HMGCLL1: variants seen among roughly 807,000 people sequenced by gnomAD.
The protein encoded by HMGCLL1 is 3-hydroxymethyl-3-methylglutaryl-CoA lyase, cytoplasmic.
A neutral mutation model predicts 39.1 loss-of-function variants in HMGCLL1; 36 were observed. The observed-to-expected ratio is 0.92, with a 90% CI of 0.71 to 1.22. The LOEUF is 1.22. HMGCLL1 is among the 50% of genes most tolerant of loss of function. The pLI, the probability that HMGCLL1 is intolerant of heterozygous loss-of-function variation, is 0.00. For synonymous variants in HMGCLL1, 149 were observed against 144.0 expected (o/e 1.03, Z -0.25); for missense variants, 451 against 416.5 (o/e 1.08, Z -0.72).
In HMGCLL1 at chr6:55,548,777, T is replaced by C. The variant is rs147828795; in HGVS notation, c.109-6637A>G. On this transcript the variant is annotated intron_variant, in intron 1 of 8. Transcript: ENST00000274901. ...ATTAAAATAGATAATAGTAAGTAGATTAGAGAATATTAAGTAATAGAGAAA... is the reference window on the plus strand; with the variant it reads ...ATTAAAATAGATAATAGTAAGTAGACTAGAGAATATTAAGTAATAGAGAAA... 5.9e-3 allele frequency among the ~76,000 whole-genome samples: 895 copies of C among 151,598 alleles called. 11 individuals are homozygous for C. The highest frequency in any genetic ancestry group is 0.02 in the African/African-American group (840 of 41,360).
At chr6:55,477,194 ATATT>A (rs1765364144) in intron 7 of HMGCLL1, among the ~76,000 whole-genome samples, 1 of 27,812 alleles carries the variant, frequency 3.6e-5, no homozygotes, top group East Asian at 2.0e-3. Context: ...TATATATTAT[ATATT>A]ATATAATATA....
At chr6:55,605,258 T>C in the HMGCLL1 span, among the ~76,000 whole-genome samples, 1 of 152,206 alleles carries the variant, frequency 6.6e-6, no homozygotes, top group Non-Finnish European at 1.5e-5. Flanking sequence ...CCAGAGGCTA[T>C]TGTTAGGCTT....
chr6:55,499,208 A>T, intron 6 of HMGCLL1, 28 bp downstream of exon 6: 2 of 1,579,918 alleles, frequency 1.3e-6, no homozygotes, highest in African/African-American at 2.7e-5. Context: ...TGTTACCATA[A>T]ACCAAAAAAG....
intron 7 of HMGCLL1, among the ~76,000 whole-genome samples, chr6:55,480,703 T>C (rs1765695080): frequency 6.6e-6 from 1 of 151,704 alleles, no homozygotes; most frequent in Non-Finnish European, 1.5e-5. Flanking sequence ...TGCAGCACTA[T>C]TCACAATAGC....
chr6:55,622,726 T>C, the HMGCLL1 span, among the ~76,000 whole-genome samples: 1 of 152,096 alleles, frequency 6.6e-6, no homozygotes, highest in African/African-American at 2.4e-5. Context: ...TTTTCTTTTT[T>C]TGTTTTGTTT....
In HMGCLL1 at chr6:55,480,923, T is replaced by C. The variant is rs989025315; in HGVS notation, c.795+14496A>G. Among the ~76,000 whole-genome samples the C allele has an allele frequency of 4.6e-5, 7 of 152,130 alleles. No individual in the cohort carries two copies. In the East Asian group the frequency reaches 1.4e-3, roughly 29 times the overall value. ...CTTAGTCTCACTTACTTGTGGGAGC[T>C]AAAAATTAAAACAATTGAGCTCATA... On this transcript the variant is annotated intron_variant, in intron 7 of 8. Coordinates refer to ENST00000274901, the MANE Select transcript of HMGCLL1 (RefSeq NM_001042406.2).
the HMGCLL1 span, among the ~76,000 whole-genome samples, chr6:55,662,752 G>A: frequency 2.6e-5 from 4 of 151,740 alleles, no homozygotes; most frequent in Admixed American, 6.6e-5. Context: ...GTTTCAGTAG[G>A]AAAGGTACCA....
chr6:55,541,834 A>C lies in HMGCLL1; in HGVS notation c.192T>G (p.Val64=). The C allele has an allele frequency of 1.3e-6, 2 of 1,507,820 alleles. No individual in the cohort carries two copies. The highest frequency in any genetic ancestry group is 1.8e-6 in the Non-Finnish European group (2 of 1,097,218). The allele number at this position is 1,507,820 out of a possible 1,614,324, so 93.4% of individuals were successfully genotyped here. The change falls in exon 3 of 9, where the codon GTT becomes GTG. Residue 64 remains valine (V), a splice_region_variant and synonymous_variant. Transcript: ENST00000274901. ...GPRDGLQNEK[V]IVPTDIKIEF... is the part of the protein sequence containing the mutation. ...CAATTTTTATATCTGTAGGAACTATAACCTATGAAAACAAAAAATATTTTA... is the reference window on the plus strand; with the variant it reads ...CAATTTTTATATCTGTAGGAACTATCACCTATGAAAACAAAAAATATTTTA...
chr6:55,598,093 G>C, the HMGCLL1 span, among the ~76,000 whole-genome samples: 3 of 151,996 alleles, frequency 2.0e-5, no homozygotes, highest in Non-Finnish European at 4.4e-5. Context: ...AGTCATATAA[G>C]GTCCTCATCA....
intron 1 of HMGCLL1, among the ~76,000 whole-genome samples, chr6:55,571,146 C>T (rs961257959): frequency 1.3e-5 from 2 of 152,164 alleles, no homozygotes; most frequent in African/African-American, 4.8e-5. Flanking sequence ...ATGTCAAATA[C>T]CTATCCTTTT....
At chr6:55,577,120 GC>G (rs755349816) in intron 1 of HMGCLL1, 5 of 1,611,986 alleles carry the variant, frequency 3.1e-6, no homozygotes, top group Non-Finnish European at 4.2e-6. Flanking sequence ...AGACTGAGAA[GC>G]CAGAGACATC....
At chr6:55,616,585 C>G in the HMGCLL1 span, among the ~76,000 whole-genome samples, 4 of 152,002 alleles carry the variant, frequency 2.6e-5, no homozygotes, top group Non-Finnish European at 5.9e-5. Flanking sequence ...ACTGATAAAC[C>G]AACTGACCAA....
intron 7 of HMGCLL1, among the ~76,000 whole-genome samples, chr6:55,463,020 T>A (rs1382055528): frequency 7.7e-6 from 1 of 130,150 alleles, no homozygotes; most frequent in African/African-American, 3.2e-5. Context: ...AATCTTTTCT[T>A]TTTTCTTTCT....
chr6:55,545,395 C>T (rs1406528780), intron 1 of HMGCLL1, among the ~76,000 whole-genome samples: 1 of 152,102 alleles, frequency 6.6e-6, no homozygotes, highest in Non-Finnish European at 1.5e-5. Flanking sequence ...ATGGCCATTT[C>T]AATCAAAGCA....
At chr6:55,547,297 A>T (rs1770033920) in intron 1 of HMGCLL1, among the ~76,000 whole-genome samples, 1 of 152,030 alleles carries the variant, frequency 6.6e-6, no homozygotes, top group South Asian at 2.1e-4. Flanking sequence ...TCTCTGAAAT[A>T]TTTAGAGTGT....
rs368287441 is a variant in HMGCLL1 at position 55,511,249 on chromosome 6, G to A, written c.542+2799C>T. 3.2e-4 allele frequency among the ~76,000 whole-genome samples: 48 copies of A among 152,084 alleles called. 1 individual carries two copies. In the Middle Eastern group the frequency reaches 0.017, roughly 54 times the overall value. ...CATTAAAAAATAAAATCCAAACTGC[G>A]GATATTTCATTTTGCATTCGCATAT... On this transcript the variant is annotated intron_variant, in intron 5 of 8. Coordinates refer to ENST00000274901, the MANE Select transcript of HMGCLL1 (RefSeq NM_001042406.2).
In HMGCLL1 at chr6:55,563,882, A is replaced by C. The variant is rs745349815; in HGVS notation, c.108+15066T>G. 15 of 1,288,188 alleles carry C rather than the reference A, an allele frequency of 1.2e-5. No homozygotes were observed. The South Asian group carries it at 1.6e-4, about 14-fold the overall frequency. 79.8% of individuals were successfully genotyped at this position (1,288,188 alleles called of 1,614,324 possible). A position where few individuals can be genotyped will look rare whatever the true frequency, so the allele number is the denominator to read the frequency against. Reference sequence around the variant, plus strand: ...GGGATCAGGGCTTCCTGAGAGGTCCATGGTGCAGCATCAGCATCACAGACT... The same window carrying C: ...GGGATCAGGGCTTCCTGAGAGGTCCCTGGTGCAGCATCAGCATCACAGACT... On this transcript the variant is annotated intron_variant, in intron 1 of 8. Coordinates refer to ENST00000274901, the MANE Select transcript of HMGCLL1 (RefSeq NM_001042406.2).
intron 4 of HMGCLL1, among the ~76,000 whole-genome samples, chr6:55,514,506 T>C (rs1382520086): frequency 6.6e-6 from 1 of 152,188 alleles, no homozygotes; most frequent in Non-Finnish European, 1.5e-5. Flanking sequence ...GTAAGCCTAA[T>C]TATGGAAAAT....
At chr6:55,467,953 T>C (rs1427418650) in intron 7 of HMGCLL1, among the ~76,000 whole-genome samples, 4 of 151,990 alleles carry the variant, frequency 2.6e-5, no homozygotes, top group Non-Finnish European at 5.9e-5. Context: ...GAAGTCTTTC[T>C]AAATTATGAC....
Sources: allele counts gnomAD v4.1 joint callset (sites outside exome capture counted in the v4.1 genomes callset), GRCh38; gene constraint gnomAD v4.1.1; transcripts MANE v1.5; gene names NCBI Gene and HGNC (gene_info 2026-07-23, HGNC 2026-07-21).